Variants in AKAP9 observed in about 807,000 individuals in gnomAD.
The protein encoded by AKAP9 is A-kinase anchor protein 9.
Under a neutral mutation model 488.5 loss-of-function variants are expected in AKAP9, and 311 were observed. The observed-to-expected ratio is 0.64, with a 90% CI of 0.58 to 0.70. The LOEUF (loss-of-function observed/expected upper bound fraction) is 0.70. Among genes scored for constraint, AKAP9 ranks in the 30% least tolerant of loss-of-function variants. AKAP9 has a pLI of 0.00. For synonymous variants in AKAP9, 1,462 were observed against 1,483.5 expected (o/e 0.99, Z 0.33); for missense variants, 4,215 against 4,374.5 (o/e 0.96, Z 1.03).
intron 30 of AKAP9, 26 bp downstream of exon 30, chr7:92,077,901 A>G: frequency 6.4e-7 from 1 of 1,569,266 alleles, no homozygotes; most frequent in Non-Finnish European, 8.7e-7. Flanking sequence ...ATTGATTATG[A>G]AATTAATATG....
At chr7:92,045,666 T>C (rs1300774215) in intron 21 of AKAP9, among the ~76,000 whole-genome samples, 1 of 152,098 alleles carries the variant, frequency 6.6e-6, no homozygotes, top group African/African-American at 2.4e-5. Context: ...AGATTTGGTG[T>C]TACCTTTGGA....
intron 8 of AKAP9, among the ~76,000 whole-genome samples, chr7:92,006,504 T>C (rs2130682937): frequency 6.6e-6 from 1 of 152,318 alleles, no homozygotes; most frequent in East Asian, 1.9e-4. Flanking sequence ...TTGATGGCAT[T>C]CAGATTCCCT....
intron 3 of AKAP9, among the ~76,000 whole-genome samples, chr7:91,989,702 A>G (rs1214299712): frequency 6.6e-6 from 1 of 152,082 alleles, no homozygotes; most frequent in African/African-American, 2.4e-5. Context: ...CTGCAACTCC[A>G]TAAGTCATTT....
At chr7:91,978,155 T>C (rs1240198706) in intron 2 of AKAP9, among the ~76,000 whole-genome samples, 4 of 150,138 alleles carry the variant, frequency 2.7e-5, no homozygotes, top group Non-Finnish European at 1.5e-5. Context: ...GGCAGGAGAA[T>C]TGCTTGAACC....
At chr7:91,980,807 G>A (rs1437051932) in intron 3 of AKAP9, among the ~76,000 whole-genome samples, 2 of 151,918 alleles carry the variant, frequency 1.3e-5, no homozygotes, top group East Asian at 3.9e-4. Context: ...TCCACTTTAG[G>A]AAATACCCTC....
intron 24 of AKAP9, among the ~76,000 whole-genome samples, 183 bp downstream of exon 24, chr7:92,062,669 GT>G (rs898065865): frequency 5.3e-5 from 8 of 149,640 alleles, no homozygotes; most frequent in African/African-American, 9.8e-5. Flanking sequence ...GTGGAATCAG[GT>G]TTTTTTTTTC....
chr7:92,047,067 G>A (rs1389847345), intron 21 of AKAP9, among the ~76,000 whole-genome samples: 1 of 152,134 alleles, frequency 6.6e-6, no homozygotes, highest in African/African-American at 2.4e-5. Flanking sequence ...TTTAACTCAA[G>A]CACAGAGGAT....
chr7:92,014,220 A>C (rs1426192054), intron 9 of AKAP9, 29 bp from the exon 10 acceptor site: 1 of 1,505,608 alleles, frequency 6.6e-7, no homozygotes, highest in Non-Finnish European at 9.2e-7. Flanking sequence ...TGTAAATTGA[A>C]TTTCTTAATC....
At chr7:91,992,534 G>C (rs145997619) in intron 4 of AKAP9, among the ~76,000 whole-genome samples, 2,172 of 151,850 alleles carry the variant, frequency 0.014, 44 homozygotes, top group African/African-American at 0.05. Context: ...CATGGTGGCA[G>C]CCGCCTGTAG....
chr7:92,028,757 A>G (rs1235469271), intron 14 of AKAP9, among the ~76,000 whole-genome samples: 1 of 152,220 alleles, frequency 6.6e-6, no homozygotes, highest in East Asian at 1.9e-4. Flanking sequence ...ACTTTTTGGA[A>G]TATGACCCTG....
At chr7:92,076,534 T>C (rs1306116282) in intron 28 of AKAP9, among the ~76,000 whole-genome samples, 2 of 152,150 alleles carry the variant, frequency 1.3e-5, no homozygotes, top group African/African-American at 4.8e-5. Context: ...AGATTTAATA[T>C]GTGGACTCTT....
In AKAP9 at chr7:92,083,162, C is replaced by T. The variant is rs1235111663; in HGVS notation, c.8161-8C>T. 6.2e-6 allele frequency: 10 copies of T among 1,613,452 alleles called. No homozygotes were observed. Among genetic ancestry groups the T allele is most frequent in the East Asian group, 4.5e-5 (2 of 44,862 alleles). Reference sequence around the variant, plus strand: ...GAATGCCCTACTGTTCTATTCATTACGTTTTAGGTAAAAGAAACAAATATG... The same window carrying T: ...GAATGCCCTACTGTTCTATTCATTATGTTTTAGGTAAAAGAAACAAATATG... On this transcript the variant is annotated splice_region_variant and splice_polypyrimidine_tract_variant and intron_variant, in intron 32 of 49. Coordinates refer to ENST00000356239, the MANE Select transcript of AKAP9 (RefSeq NM_005751.5).
At chr7:92,098,313 A>T (rs1167541237) in intron 43 of AKAP9, 99 bp downstream of exon 43, 1 of 687,032 alleles carries the variant, frequency 1.5e-6, no homozygotes, top group Non-Finnish European at 2.5e-6. Context: ...TACTCTTTAT[A>T]GAGTTTTATT....
intron 28 of AKAP9, 143 bp downstream of exon 28, chr7:92,071,152 T>C (rs1811663694): frequency 8.0e-6 from 6 of 749,492 alleles, no homozygotes; most frequent in Non-Finnish European, 1.4e-5. Context: ...AAAATTGACC[T>C]TGAAGGCAGT....
In AKAP9 at chr7:92,065,239, C is replaced by A; in HGVS notation, c.5986C>A (p.Gln1996Lys). 6.3e-7 allele frequency: 1 copy of A among 1,593,862 alleles called. No homozygotes were observed. The highest frequency in any genetic ancestry group is 8.6e-7 in the Non-Finnish European group (1 of 1,163,432). ...EAGPVEQQLL[Q>K]ETEKLMKEKL... ...TTTGTATTAATAAACAGAATTACTA[C>A]AGGAGACAGAAAAATTAATGAAGGA... The change falls in exon 25 of 50, where the codon CAG becomes AAG. Residue 1996 changes from glutamine (Q) to lysine (K), a missense_variant. By Grantham distance (53) the Gln-to-Lys change is moderately conservative (BLOSUM62 1). Around this residue, in one of 5 missense-constraint regions of AKAP9, gnomAD observed 2,361 missense variants for 2,430.0 expected, o/e 0.97. Coordinates refer to ENST00000356239, the MANE Select transcript of AKAP9 (RefSeq NM_005751.5).
intron 33 of AKAP9, among the ~76,000 whole-genome samples, chr7:92,084,011 G>A (rs1022238249): frequency 3.3e-5 from 5 of 152,162 alleles, no homozygotes; most frequent in South Asian, 2.1e-4. Flanking sequence ...AGTGTGTGAT[G>A]TTCCCCTCCC....
chr7:92,023,956 AGTGTCAT>A (rs1802696290), intron 14 of AKAP9, among the ~76,000 whole-genome samples: 3 of 152,092 alleles, frequency 2.0e-5, no homozygotes, highest in Admixed American at 2.0e-4. Context: ...TCATTACTCA[AGTGTCAT>A]GTTCTCGTGA....
At chr7:92,105,841 T>C in intron 47 of AKAP9, 78 bp downstream of exon 47, 1 of 1,296,782 alleles carries the variant, frequency 7.7e-7, no homozygotes. Context: ...CTATGGACCA[T>C]ACTTGTCTGT....
In AKAP9 at chr7:91,995,078, A is replaced by G. The variant is rs903044138; in HGVS notation, c.732+302A>G. Among the ~76,000 whole-genome samples the G allele has an allele frequency of 8.9e-4, 136 of 152,174 alleles. 2 individuals carry two copies. The highest frequency in any genetic ancestry group is 2.2e-4 in the Non-Finnish European group (15 of 68,020). On this transcript the variant is annotated intron_variant, in intron 6 of 49. Coordinates refer to ENST00000356239, the MANE Select transcript of AKAP9 (RefSeq NM_005751.5). ...CTGTAGTCACATCCTACCTTTGCCAATTCTGGTATGGTTTATTTTAGTTAG... is the reference window on the plus strand; with the variant it reads ...CTGTAGTCACATCCTACCTTTGCCAGTTCTGGTATGGTTTATTTTAGTTAG...
Sources: gnomAD v4.1 joint callset for allele counts (sites outside exome capture counted in the v4.1 genomes callset) on GRCh38, gnomAD v4.1.1 for gene constraint, gnomAD v4.1.1 regional missense constraint, MANE v1.5 for transcripts, NCBI Gene and HGNC (gene_info 2026-07-23, HGNC 2026-07-21) for gene names.